RAMAC: variants seen among roughly 807,000 people sequenced by gnomAD.
RAMAC encodes RNA guanine-N7 methyltransferase activating subunit.
RAMAC carries 11 observed loss-of-function variants against 17.9 expected under a neutral mutation model. The observed-to-expected ratio is 0.61, with a 90% CI of 0.39 to 1.02. RAMAC has a LOEUF of 1.02. Among genes scored for constraint, RAMAC ranks in the 50% least tolerant of loss-of-function variants. RAMAC has a pLI of 0.01. For missense variants in RAMAC, 109 were observed against 144.0 expected, an observed-to-expected ratio of 0.76 and a Z score of 1.25; for synonymous variants, 27 against 48.4, an observed-to-expected ratio of 0.56 and a Z score of 1.84.
chr15:82,988,497 T>A, intron 2 of RAMAC: 1 of 224,616 alleles, frequency 4.5e-6, no homozygotes, highest in Non-Finnish European at 9.2e-6. Flanking sequence ...GCTTCCATTG[T>A]CACATCTTTT....
In RAMAC at chr15:82,990,848, G is replaced by T; in HGVS notation, c.*781G>T. The T allele has an allele frequency of 1.4e-5, 7 of 493,846 alleles. No individual in the cohort carries two copies. Among genetic ancestry groups the T allele is most frequent in the South Asian group, 3.8e-5 (1 of 26,590 alleles). The allele number at this position is 493,846 out of a possible 1,614,324, so 30.6% of individuals were successfully genotyped here. A position where few individuals can be genotyped will look rare whatever the true frequency, so the allele number is the denominator to read the frequency against. On this transcript the variant is annotated 3_prime_UTR_variant, in exon 4 of 4. Coordinates refer to ENST00000304191, the MANE Select transcript of RAMAC (RefSeq NM_031452.4). ...CCTGTAAATAATGCTGCATTTTGAT[G>T]GTTCTTACTTTTTTGGTATTTAATG...
rs560026998 is a variant in RAMAC, at chr15:82,989,125, C to T, written c.107C>T (p.Ser36Phe). Residue 36 changes from serine (S) to phenylalanine (F), a missense_variant, in exon 3 of 4, where the codon TCT (serine) becomes TTT (phenylalanine). By Grantham distance (155) the Ser-to-Phe change is radical. Transcript: ENST00000304191. ...YQEYLKRPPE[S>F]PPIVEEWNSR... ...GAATACCTGAAACGCCCTCCTGAGT[C>T]TCCTCCAATTGTTGAGGAATGGAAT... 3.1e-6 allele frequency: 5 copies of T among 1,613,838 alleles called. No individual in the cohort carries two copies. The highest frequency in any genetic ancestry group is 1.7e-4 in the Middle Eastern group (1 of 6,054).
intron 2 of RAMAC, chr15:82,988,652 G>A (rs1384662930): frequency 4.6e-6 from 2 of 432,434 alleles, no homozygotes; most frequent in East Asian, 8.0e-5. Flanking sequence ...AGGCAACATG[G>A]CGAGATCCCG....
chr15:82,988,343 A>G (rs1207881882), intron 2 of RAMAC: 2 of 162,712 alleles, frequency 1.2e-5, no homozygotes, highest in South Asian at 1.5e-4. Context: ...GGAAAAGGAA[A>G]AAGAAAAAAT....
In RAMAC at chr15:82,988,990, A is replaced by T. The variant is rs552300979; in HGVS notation, c.-9-20A>T. ...AATTTTTAAATTTTTTTTAATGGAA[A>T]TGTCTTTAAAATTGTACAGATTTTC... On this transcript the variant is annotated intron_variant, in intron 2 of 3. Coordinates refer to ENST00000304191, the MANE Select transcript of RAMAC (RefSeq NM_031452.4). 4 of 1,558,040 alleles carry T rather than the reference A, an allele frequency of 2.6e-6. No individual in the cohort carries two copies. Among genetic ancestry groups the T allele is most frequent in the Non-Finnish European group, 3.5e-6 (4 of 1,155,204 alleles).
chr15:82,990,661 A>C lies in RAMAC; in HGVS notation c.*594A>C. The C allele has an allele frequency of 1.3e-6, 2 of 1,531,024 alleles. No homozygotes were observed. The highest frequency in any genetic ancestry group is 1.8e-6 in the Non-Finnish European group (2 of 1,128,538). The allele number at this position is 1,531,024 out of a possible 1,614,324, so 94.8% of individuals were successfully genotyped here. A position where few individuals can be genotyped will look rare whatever the true frequency, so the allele number is the denominator to read the frequency against. ...GAGGGAAATCAGTAATAAAGCTGTA[A>C]AATAAGGAAGGAATCATTGTCAGTT... On this transcript the variant is annotated 3_prime_UTR_variant, in exon 4 of 4. Transcript: ENST00000304191.
chr15:82,989,682 C>T (rs1286507166), intron 3 of RAMAC, among the ~76,000 whole-genome samples, 199 bp from the exon 4 acceptor site: 1 of 152,036 alleles, frequency 6.6e-6, no homozygotes, highest in Non-Finnish European at 1.5e-5. Context: ...GTAAAGTGTA[C>T]CTAGTATAAT....
rs770211678 is a variant in RAMAC, at chr15:82,989,231, A to T, written c.170+43A>T. On this transcript the variant is annotated intron_variant, in intron 3 of 3. Transcript: ENST00000304191. Reference sequence around the variant, plus strand: ...TAAATGCAGATAGTTGATCTGGCAGAGGATAGCTTTAATCTGCTAGACTGG... The same window carrying T: ...TAAATGCAGATAGTTGATCTGGCAGTGGATAGCTTTAATCTGCTAGACTGG... The T allele has an allele frequency of 4.4e-6, 7 of 1,599,232 alleles. No individual in the cohort carries two copies. The African/African-American group carries it at 9.4e-5, about 21-fold the overall frequency.
chr15:82,989,249 TA>T (rs1383138255), intron 3 of RAMAC, 61 bp downstream of exon 3: 45 of 1,558,154 alleles, frequency 2.9e-5, no homozygotes, highest in Non-Finnish European at 3.7e-5. Flanking sequence ...TTTAATCTGC[TA>T]GACTGGAAGG....
At chr15:82,988,964 T>A in intron 2 of RAMAC, 46 bp from the exon 3 acceptor site, 1 of 1,522,774 alleles carries the variant, frequency 6.6e-7, no homozygotes, top group South Asian at 1.3e-5. Flanking sequence ...GAGAGAGTGT[T>A]AATTTTTAAA....
intron 2 of RAMAC, 177 bp from the exon 3 acceptor site, chr15:82,988,833 C>CT: frequency 1.8e-6 from 1 of 570,454 alleles, no homozygotes; most frequent in South Asian, 2.2e-5. Flanking sequence ...GAGACCCTGT[C>CT]TCAAAAAAAA....
rs1307896711 is a variant in RAMAC at position 82,989,964 on chromosome 15, G to A, written c.254G>A (p.Arg85Gln). ...AATCGATCCAATCAGTGGCATGGAC[G>A]ATCCTGGGGTAACAACTACCCGCAA... ...SDNRSNQWHGRSWGNNYPQHR... is the reference protein window; with the variant it reads ...SDNRSNQWHGQSWGNNYPQHR... Residue 85 changes from arginine (R) to glutamine (Q), a missense_variant, in exon 4 of 4, where the codon CGA becomes CAA. Transcript: ENST00000304191. The A allele has an allele frequency of 2.5e-6, 4 of 1,609,336 alleles. No homozygotes were observed. The highest frequency in any genetic ancestry group is 1.1e-5 in the South Asian group (1 of 90,676).
Position 82,990,353 on chromosome 15 carries a change from T to C in RAMAC, c.*286T>C. On this transcript the variant is annotated 3_prime_UTR_variant, in exon 4 of 4. Coordinates refer to ENST00000304191, the MANE Select transcript of RAMAC (RefSeq NM_031452.4). The stretch of plus-strand genomic sequence containing the variant: ...ATATTATTTGACCTCTAGGAATTCT[T>C]TGTTTTACACAGAAATAAAAATTTT... The C allele has an allele frequency of 3.6e-6, 1 of 280,610 alleles. No individual in the cohort carries two copies. 17.4% of individuals were successfully genotyped at this position (280,610 alleles called of 1,614,324 possible). A position where few individuals can be genotyped will look rare whatever the true frequency, so the allele number is the denominator to read the frequency against.
Position 82,990,680 on chromosome 15 carries a change from G to T in RAMAC, c.*613G>T. The T allele has an allele frequency of 6.6e-7, 1 of 1,514,630 alleles. No homozygotes were observed. Among genetic ancestry groups the T allele is most frequent in the Non-Finnish European group, 9.0e-7 (1 of 1,113,916 alleles). 93.8% of individuals were successfully genotyped at this position (1,514,630 alleles called of 1,614,324 possible). A position where few individuals can be genotyped will look rare whatever the true frequency, so the allele number is the denominator to read the frequency against. ...GCTGTAAAATAAGGAAGGAATCATT[G>T]TCAGTTTGTGTCTTGATCTGGTGGT... On this transcript the variant is annotated 3_prime_UTR_variant, in exon 4 of 4. Coordinates refer to ENST00000304191, the MANE Select transcript of RAMAC (RefSeq NM_031452.4).
At chr15:82,988,761 G>A (rs377700247) in intron 2 of RAMAC, 1 of 478,756 alleles carries the variant, frequency 2.1e-6, no homozygotes, top group East Asian at 5.1e-5. Flanking sequence ...TTGAGCCAGG[G>A]AAGTCAAGGC....
chr15:82,987,689 A>ATCCCAT (rs959563356), intron 2 of RAMAC, among the ~76,000 whole-genome samples: 22 of 152,322 alleles, frequency 1.4e-4, no homozygotes, highest in African/African-American at 5.1e-4. Context: ...TCCCAGACAC[A>ATCCCAT]TTGAAAGTCT....
In RAMAC at chr15:82,988,851, A is replaced by AT; in HGVS notation, c.-9-158dup. The AT allele has an allele frequency of 4.5e-6, 3 of 663,220 alleles. No individual in the cohort carries two copies. In the South Asian group the frequency reaches 6.3e-5, roughly 14 times the overall value. 41.1% of individuals were successfully genotyped at this position (663,220 alleles called of 1,614,324 possible). A position where few individuals can be genotyped will look rare whatever the true frequency, so the allele number is the denominator to read the frequency against. On this transcript the variant is annotated intron_variant, in intron 2 of 3. Transcript: ENST00000304191. ...ACCCTGTCTCAAAAAAAAAAAAAAAATGTTGAATTCAATATCTAAAATATG... is the reference window on the plus strand; with the variant it reads ...ACCCTGTCTCAAAAAAAAAAAAAAAATTGTTGAATTCAATATCTAAAATATG...
Position 82,990,942 on chromosome 15 carries a change from G to A in RAMAC, c.*875G>A, listed in dbSNP as rs374287215. 68 of 285,720 alleles carry A rather than the reference G, an allele frequency of 2.4e-4. No individual in the cohort carries two copies. In the South Asian group the frequency reaches 8.2e-3, roughly 35 times the overall value. The allele number at this position is 285,720 out of a possible 1,614,324, so 17.7% of individuals were successfully genotyped here. A position where few individuals can be genotyped will look rare whatever the true frequency, so the allele number is the denominator to read the frequency against. On this transcript the variant is annotated 3_prime_UTR_variant, in exon 4 of 4. Transcript: ENST00000304191. ...TCTGCTGCTTTCTCTCCTATAAATA[G>A]TGATGCTATAAACTTCCTTTCACAG...
chr15:82,989,843 A>G (rs1363638610), intron 3 of RAMAC, 38 bp from the exon 4 acceptor site: 4 of 1,601,934 alleles, frequency 2.5e-6, no homozygotes, highest in Middle Eastern at 1.7e-4. Context: ...TTTTTTAACA[A>G]GGGAAGTTTA....
Sources: gnomAD v4.1 joint callset for allele counts (sites outside exome capture counted in the v4.1 genomes callset) on GRCh38, gnomAD v4.1.1 for gene constraint, MANE v1.5 for transcripts, NCBI Gene and HGNC (gene_info 2026-07-23, HGNC 2026-07-21) for gene names.